The following TMEM132D variants were observed in gnomAD, a reference collection of about 807,000 sequenced individuals.
TMEM132D encodes the protein mature OL transmembrane protein.
In TMEM132D, 21 loss-of-function variants were observed where a neutral mutation model predicts 62.3. The observed-to-expected ratio is 0.34, with a 90% CI of 0.24 to 0.49. The LOEUF (loss-of-function observed/expected upper bound fraction) is 0.49. Among genes scored for constraint, TMEM132D ranks in the 20% least tolerant of loss-of-function variants. TMEM132D has a pLI of 0.99. For missense variants in TMEM132D, 1,346 were observed against 1,402.8 expected, an observed-to-expected ratio of 0.96 and a Z score of 0.65; for synonymous variants, 621 against 575.6, an observed-to-expected ratio of 1.08 and a Z score of -1.13.
At chr12:129,701,121 G>A (rs576449695) in intron 1 of TMEM132D, among the ~76,000 whole-genome samples, 23 of 152,164 alleles carry the variant, frequency 1.5e-4, no homozygotes, top group Non-Finnish European at 2.8e-4. Context: ...CACAGACTGA[G>A]ATTGGAAACA....
chr12:129,795,497 G>C (rs534636581), intron 1 of TMEM132D, among the ~76,000 whole-genome samples: 6 of 152,286 alleles, frequency 3.9e-5, no homozygotes, highest in African/African-American at 1.4e-4. Context: ...ATTTCGTGGT[G>C]CCAAGGCTGC....
At chr12:129,551,030 AAGT>A (rs1002492447) in intron 2 of TMEM132D, among the ~76,000 whole-genome samples, 7 of 152,184 alleles carry the variant, frequency 4.6e-5, no homozygotes, top group African/African-American at 1.7e-4. Flanking sequence ...CCCCACCACA[AAGT>A]AGTGCCATGA....
chr12:129,458,398 G>GTTT (rs66630267), intron 3 of TMEM132D, among the ~76,000 whole-genome samples: 3 of 146,626 alleles, frequency 2.0e-5, no homozygotes, highest in Admixed American at 6.8e-5. Context: ...GTGGGCAGAG[G>GTTT]TTTTTTTTTT....
At chr12:129,211,690 C>A (rs1879052801) in intron 4 of TMEM132D, among the ~76,000 whole-genome samples, 1 of 152,146 alleles carries the variant, frequency 6.6e-6, no homozygotes, top group Non-Finnish European at 1.5e-5. Flanking sequence ...AGACAAGACT[C>A]CAATTTGGAA....
intron 5 of TMEM132D, among the ~76,000 whole-genome samples, chr12:129,171,923 G>C (rs546487640): frequency 3.0e-4 from 45 of 152,270 alleles, no homozygotes; most frequent in African/African-American, 1.1e-3. Flanking sequence ...CTTCAATAAA[G>C]TTACTAGGTG....
intron 3 of TMEM132D, among the ~76,000 whole-genome samples, chr12:129,513,812 ATTTATTTAT>A (rs1184027578): frequency 4.8e-4 from 50 of 103,692 alleles, no homozygotes; most frequent in African/African-American, 1.7e-3. Flanking sequence ...ATTTTTATTT[ATTTATTTAT>A]TTATTTATTT....
chr12:129,081,737 GGAT>G lies in TMEM132D; in HGVS notation c.1923+19_1923+21del, dbSNP rs1403239272. 1.3e-6 allele frequency: 2 copies of G among 1,485,632 alleles called. No individual in the cohort carries two copies. Among genetic ancestry groups the G allele is most frequent in the Admixed American group, 4.2e-5 (2 of 47,502 alleles). 92.0% of individuals were successfully genotyped at this position (1,485,632 alleles called of 1,614,324 possible). Reference sequence around the variant, plus strand: ...GGAAGACAGAGAGATCTTGATTTGGGGATTTTTTTTTTTTTTTTTACCTGAATG... The same window carrying G: ...GGAAGACAGAGAGATCTTGATTTGGGTTTTTTTTTTTTTTTTACCTGAATG... On this transcript the variant is annotated intron_variant, in intron 7 of 8. Transcript: ENST00000422113.
At chr12:129,256,271 C>A (rs1176813318) in intron 4 of TMEM132D, among the ~76,000 whole-genome samples, 1 of 152,114 alleles carries the variant, frequency 6.6e-6, no homozygotes, top group Non-Finnish European at 1.5e-5. Flanking sequence ...ATCTGTCTTG[C>A]CCTCCTAAAG....
intron 2 of TMEM132D, among the ~76,000 whole-genome samples, chr12:129,542,534 A>G (rs1353355506): frequency 2.0e-5 from 3 of 152,208 alleles, no homozygotes; most frequent in African/African-American, 7.2e-5. Context: ...GAATGGGGAT[A>G]TAAGAGAAGT....
intron 3 of TMEM132D, among the ~76,000 whole-genome samples, chr12:129,404,158 A>G (rs1321180323): frequency 3.3e-5 from 5 of 152,022 alleles, no homozygotes; most frequent in Admixed American, 1.3e-4. Context: ...GTATTAGGCC[A>G]TTTTGCATCG....
intron 1 of TMEM132D, among the ~76,000 whole-genome samples, chr12:129,768,440 T>G (rs1304369183): frequency 6.6e-6 from 1 of 151,812 alleles, no homozygotes; most frequent in Non-Finnish European, 1.5e-5. Context: ...GAGAATGTGG[T>G]TTTTAATTTT....
At chr12:129,552,408 TCATCTACCTATCTACCTAGCATCTATC>T (rs1028839272) in intron 2 of TMEM132D, among the ~76,000 whole-genome samples, 2 of 152,156 alleles carry the variant, frequency 1.3e-5, no homozygotes, top group Non-Finnish European at 2.9e-5. Flanking sequence ...TATACATCTA[TCATCTACCTATCTACCTAGCATCTATC>T]CATCTACCTA....
At chr12:129,783,759 A>G (rs1211843227) in intron 1 of TMEM132D, among the ~76,000 whole-genome samples, 1 of 152,216 alleles carries the variant, frequency 6.6e-6, no homozygotes, top group African/African-American at 2.4e-5. Context: ...CCAGCGTGTA[A>G]GCAGGAGTAA....
At chr12:129,267,666 G>T (rs1880732226) in intron 4 of TMEM132D, among the ~76,000 whole-genome samples, 1 of 152,020 alleles carries the variant, frequency 6.6e-6, no homozygotes, top group African/African-American at 2.4e-5. Flanking sequence ...TTTCTTCACA[G>T]AATTGGAAAA....
intron 2 of TMEM132D, among the ~76,000 whole-genome samples, chr12:129,551,845 T>C (rs1876906503): frequency 6.6e-6 from 1 of 152,204 alleles, no homozygotes; most frequent in African/African-American, 2.4e-5. Context: ...TTTTAATAGT[T>C]TGATTATCAT....
chr12:129,784,478 A>G (rs993314047), intron 1 of TMEM132D, among the ~76,000 whole-genome samples: 2 of 152,190 alleles, frequency 1.3e-5, no homozygotes, highest in African/African-American at 2.4e-5. Context: ...TTATTCTCAT[A>G]AATCCAGAGA....
intron 1 of TMEM132D, among the ~76,000 whole-genome samples, chr12:129,801,267 G>C (rs967477447): frequency 1.6e-4 from 24 of 152,176 alleles, no homozygotes; most frequent in Non-Finnish European, 2.6e-4. Context: ...CTGGGGGCAG[G>C]GCACAGACAA....
chr12:129,308,522 G>A (rs1347925711), intron 4 of TMEM132D, among the ~76,000 whole-genome samples: 1 of 152,098 alleles, frequency 6.6e-6, no homozygotes, highest in Non-Finnish European at 1.5e-5. Flanking sequence ...TTTGGCCAAC[G>A]TTTCAATAAA....
At position 129,084,673 on chromosome 12, in the gene TMEM132D, G is replaced by A; in HGVS notation, c.1473C>T (p.Val491=). The change falls in exon 6 of 9, where the codon GTC becomes GTT. Residue 491 remains valine (V), a synonymous_variant. Coordinates refer to ENST00000422113, the MANE Select transcript of TMEM132D (RefSeq NM_133448.3). ...CCTTGCCTTTCATTTCTTTCCCATT[G>A]ACAAAGACGTAGTCACATCTGTCAG... ...KVSDRCDYVF[V]NGKEMKGKVN... is the part of the protein sequence containing the mutation. The A allele has an allele frequency of 6.2e-7, 1 of 1,614,016 alleles. No individual in the cohort carries two copies. Among genetic ancestry groups the A allele is most frequent in the South Asian group, 1.1e-5 (1 of 91,054 alleles).
Sources: gnomAD v4.1 joint callset for allele counts (sites outside exome capture counted in the v4.1 genomes callset) on GRCh38, gnomAD v4.1.1 for gene constraint, MANE v1.5 for transcripts, NCBI Gene and HGNC (gene_info 2026-07-23, HGNC 2026-07-21) for gene names.